The following NTM variants were observed in gnomAD, a reference collection of about 807,000 sequenced individuals.
NTM encodes the protein neurotrimin.
A neutral mutation model predicts 42.1 loss-of-function variants in NTM; 13 were observed. That is an observed-to-expected ratio of 0.31 (90% CI 0.20 to 0.49). The LOEUF (loss-of-function observed/expected upper bound fraction) is 0.49. Ranked by LOEUF, NTM falls within the 20% of genes least tolerant of loss-of-function variation. The probability of loss-of-function intolerance (pLI) is 0.99; values close to 1 mark genes in which losing one functional copy is unlikely to be tolerated. For synonymous variants in NTM, 187 were observed against 179.2 expected (o/e 1.04, Z -0.35); for missense variants, 373 against 452.8 (o/e 0.82, Z 1.60).
rs1565630449 is a variant in NTM at position 131,552,115 on chromosome 11, A to ATT, written c.82+181227_82+181228insTT. Among the ~76,000 whole-genome samples, 6 of 152,230 alleles carry ATT rather than the reference A, an allele frequency of 3.9e-5. No homozygotes were observed. The South Asian group carries it at 1.0e-3, about 26-fold the overall frequency. ...CACAGTGGAATAAAAAGGCACACCC[A>ATT]CCAGAATGAGGAAGGAAAGAAGGAA... On this transcript the variant is annotated intron_variant, in intron 1 of 8. Transcript: ENST00000683400.
intron 1 of NTM, among the ~76,000 whole-genome samples, chr11:131,813,492 A>G (rs899422950): frequency 2.0e-5 from 3 of 152,176 alleles, no homozygotes; most frequent in Admixed American, 1.3e-4. Context: ...TAGGGAGTAC[A>G]GGAACTTATG....
At position 131,726,348 on chromosome 11, in the gene NTM, C is replaced by G. The variant is rs138524723; in HGVS notation, c.83-185216C>G. The stretch of plus-strand genomic sequence containing the variant: ...GGTGGTTGCACAAGTCAGTGTCTGT[C>G]CTTGGTTCTCCCTGTGGTCCACTTG... On this transcript the variant is annotated intron_variant, in intron 1 of 8. Transcript: ENST00000683400. Among the ~76,000 whole-genome samples, 492 of 145,106 alleles carry G rather than the reference C, an allele frequency of 3.4e-3. 32 individuals carry two copies. Among genetic ancestry groups the G allele is most frequent in the African/African-American group, 0.013 (464 of 34,794 alleles).
At chr11:132,334,425 G>A (rs1305986001) in intron 8 of NTM, among the ~76,000 whole-genome samples, 1 of 152,220 alleles carries the variant, frequency 6.6e-6, no homozygotes, top group Admixed American at 6.5e-5. Context: ...GCAGGCATGT[G>A]ATCCTTGAGC....
intron 1 of NTM, among the ~76,000 whole-genome samples, chr11:131,815,654 C>T (rs917993073): frequency 7.9e-5 from 12 of 152,176 alleles, no homozygotes; most frequent in South Asian, 2.1e-4. Flanking sequence ...CCGCGCCTCT[C>T]CCCCAGCCCC....
chr11:131,495,044 T>C (rs1157440545), intron 1 of NTM, among the ~76,000 whole-genome samples: 1 of 152,192 alleles, frequency 6.6e-6, no homozygotes, highest in African/African-American at 2.4e-5. Context: ...TGACTATTAT[T>C]TGAAGGAAGC....
At chr11:131,946,703 T>A (rs2060383565) in intron 2 of NTM, among the ~76,000 whole-genome samples, 5 of 152,244 alleles carry the variant, frequency 3.3e-5, no homozygotes, top group African/African-American at 9.6e-5. Context: ...TATTGATCTG[T>A]GATTTCTTTT....
chr11:132,213,507 C>T (rs2083255974), intron 4 of NTM, among the ~76,000 whole-genome samples: 1 of 152,104 alleles, frequency 6.6e-6, no homozygotes, highest in Admixed American at 6.5e-5. Flanking sequence ...CACCAGCAGC[C>T]GGTCCTTCTG....
At chr11:131,890,742 A>G (rs1302986640) in intron 1 of NTM, among the ~76,000 whole-genome samples, 1 of 152,156 alleles carries the variant, frequency 6.6e-6, no homozygotes, top group African/African-American at 2.4e-5. Flanking sequence ...GGGAACAGAT[A>G]CTGTGTGCTG....
At chr11:131,630,522 G>T (rs2063547998) in intron 1 of NTM, among the ~76,000 whole-genome samples, 1 of 152,142 alleles carries the variant, frequency 6.6e-6, no homozygotes, top group Non-Finnish European at 1.5e-5. Flanking sequence ...TGATACTGGT[G>T]ATCGGTCCCA....
intron 1 of NTM, among the ~76,000 whole-genome samples, chr11:131,483,031 G>C (rs1383324893): frequency 1.3e-5 from 2 of 152,196 alleles, no homozygotes; most frequent in Non-Finnish European, 2.9e-5. Flanking sequence ...GAGGGCTACA[G>C]GTAAACACTG....
intron 1 of NTM, among the ~76,000 whole-genome samples, chr11:131,889,239 C>G (rs1008304061): frequency 6.6e-6 from 1 of 152,182 alleles, no homozygotes; most frequent in Non-Finnish European, 1.5e-5. Flanking sequence ...GGTTTCCATG[C>G]AAACCAAACA....
intron 7 of NTM, among the ~76,000 whole-genome samples, chr11:132,317,062 A>C (rs1308030559): frequency 6.6e-6 from 1 of 152,180 alleles, no homozygotes; most frequent in Non-Finnish European, 1.5e-5. Flanking sequence ...GAAGTGAGGA[A>C]TTCTGGTGCA....
intron 1 of NTM, among the ~76,000 whole-genome samples, chr11:131,874,352 A>G (rs1288780256): frequency 6.6e-6 from 1 of 151,984 alleles, no homozygotes; most frequent in Non-Finnish European, 1.5e-5. Context: ...TTTGAAGAGG[A>G]ATTGTGTTCA....
intron 2 of NTM, among the ~76,000 whole-genome samples, chr11:132,046,010 T>C (rs2077935293): frequency 6.6e-6 from 1 of 152,248 alleles, no homozygotes; most frequent in African/African-American, 2.4e-5. Flanking sequence ...AATGGAATTT[T>C]ATCTGTGCAT....
intron 1 of NTM, among the ~76,000 whole-genome samples, chr11:131,793,216 T>C (rs765183895): frequency 5.9e-5 from 9 of 152,262 alleles, no homozygotes; most frequent in Non-Finnish European, 1.3e-4. Flanking sequence ...CTATTAGTAA[T>C]AATGGTAATG....
chr11:132,200,656 C>A (rs1474392904), intron 3 of NTM, among the ~76,000 whole-genome samples: 1 of 152,202 alleles, frequency 6.6e-6, no homozygotes, highest in East Asian at 1.9e-4. Flanking sequence ...TGTAAGTGAG[C>A]TTGGCGCTGT....
chr11:131,981,275 A>G (rs1461267575), intron 2 of NTM: 1 of 152,198 alleles, frequency 6.6e-6, no homozygotes, highest in Non-Finnish European at 1.5e-5. Flanking sequence ...GTGTCCTGAC[A>G]CCGTGTTCCA....
intron 3 of NTM, among the ~76,000 whole-genome samples, chr11:132,181,587 A>T (rs1215832061): frequency 6.6e-6 from 1 of 152,260 alleles, no homozygotes; most frequent in Non-Finnish European, 1.5e-5. Flanking sequence ...TGTATAACTC[A>T]TGGAATTGAC....
intron 3 of NTM, among the ~76,000 whole-genome samples, chr11:132,159,394 T>C (rs533263766): frequency 1.3e-5 from 2 of 152,344 alleles, no homozygotes; most frequent in South Asian, 4.1e-4. Flanking sequence ...TGTAAAAGTT[T>C]CAAGTTTATA....
Sources: gnomAD v4.1 joint callset for allele counts (sites outside exome capture counted in the v4.1 genomes callset) on GRCh38, gnomAD v4.1.1 for gene constraint, MANE v1.5 for transcripts, NCBI Gene and HGNC (gene_info 2026-07-23, HGNC 2026-07-21) for gene names.